Variants in KCNK3 observed in about 807,000 individuals in gnomAD.
KCNK3 encodes the protein potassium channel subfamily K member 3.
A neutral mutation model predicts 27.3 loss-of-function variants in KCNK3; 9 were observed. The ratio of observed to expected loss-of-function variants is 0.33; its 90% confidence interval spans 0.20 to 0.57. KCNK3 has a LOEUF of 0.57. KCNK3 is among the 20% of genes least tolerant of loss of function. KCNK3 has a pLI of 0.87. For synonymous variants in KCNK3, 278 were observed against 273.8 expected, an observed-to-expected ratio of 1.02 and a Z score of -0.15; for missense variants, 391 against 577.7, an observed-to-expected ratio of 0.68 and a Z score of 3.31.
intron 1 of KCNK3, among the ~76,000 whole-genome samples, chr2:26,702,433 A>G (rs900832449): frequency 6.6e-6 from 1 of 152,194 alleles, no homozygotes; most frequent in Non-Finnish European, 1.5e-5. Context: ...CATGGACAGC[A>G]TGAGTCCCAA....
At chr2:26,719,592 A>G (rs1478752642) in intron 1 of KCNK3, among the ~76,000 whole-genome samples, 1 of 152,224 alleles carries the variant, frequency 6.6e-6, no homozygotes, top group African/African-American at 2.4e-5. Context: ...TTTGTGTAAT[A>G]ATAACCTCTG....
At chr2:26,696,721 C>G (rs1313924462) in intron 1 of KCNK3, among the ~76,000 whole-genome samples, 6 of 152,104 alleles carry the variant, frequency 3.9e-5, no homozygotes, top group African/African-American at 1.4e-4. Context: ...CCTCCAGGGC[C>G]CAAGCCTCAT....
At chr2:26,710,822 C>A (rs760309972) in intron 1 of KCNK3, among the ~76,000 whole-genome samples, 5 of 152,176 alleles carry the variant, frequency 3.3e-5, no homozygotes, top group Non-Finnish European at 7.3e-5. Context: ...CCAGACACCA[C>A]GGAGGTCCAG....
chr2:26,732,199 T>G lies in KCNK3; in HGVS notation c.*3631T>G, dbSNP rs974645514. The G allele has an allele frequency of 3.3e-5, 5 of 152,112 alleles. No individual in the cohort carries two copies. The highest frequency in any genetic ancestry group is 1.2e-4 in the African/African-American group (5 of 41,412). The allele number at this position is 152,112 out of a possible 1,614,324, so 9.4% of individuals were successfully genotyped here. ...GACCCCCGGACTTCATAGAGTACAA[T>G]CCACAGTAATAGCACACAGCTCTGT... On this transcript the variant is annotated 3_prime_UTR_variant, in exon 2 of 2. Coordinates refer to ENST00000302909, the MANE Select transcript of KCNK3 (RefSeq NM_002246.3).
intron 1 of KCNK3, among the ~76,000 whole-genome samples, chr2:26,716,869 G>A (rs1663239741): frequency 6.6e-6 from 1 of 152,180 alleles, no homozygotes; most frequent in Admixed American, 6.5e-5. Context: ...AGCTGGCGTG[G>A]CTTAACAAAC....
chr2:26,702,016 T>C (rs1204244056), intron 1 of KCNK3, among the ~76,000 whole-genome samples: 6 of 152,218 alleles, frequency 3.9e-5, no homozygotes, highest in Non-Finnish European at 8.8e-5. Flanking sequence ...TAGGTAAACC[T>C]GTGACATGGG....
At chr2:26,712,873 G>T (rs990484576) in intron 1 of KCNK3, among the ~76,000 whole-genome samples, 1 of 152,128 alleles carries the variant, frequency 6.6e-6, no homozygotes, top group Non-Finnish European at 1.5e-5. Context: ...GAGCCCTGGG[G>T]AGGGTGCTGA....
At chr2:26,705,028 G>C (rs1670355551) in intron 1 of KCNK3, among the ~76,000 whole-genome samples, 1 of 152,020 alleles carries the variant, frequency 6.6e-6, no homozygotes, top group African/African-American at 2.4e-5. Flanking sequence ...GGGTAGCCAT[G>C]ATCATGGCTC....
At chr2:26,726,102 CACACAGAG>C (rs1476960919) in intron 1 of KCNK3, among the ~76,000 whole-genome samples, 2,271 of 136,122 alleles carry the variant, frequency 0.017, 22 homozygotes, top group Middle Eastern at 0.03. Flanking sequence ...CACACACACA[CACACAGAG>C]AGAGAGAGAG....
intron 1 of KCNK3, 85 bp from the exon 2 acceptor site, chr2:26,727,582 C>A: frequency 2.0e-6 from 3 of 1,501,012 alleles, no homozygotes; most frequent in Non-Finnish European, 2.7e-6. Flanking sequence ...GGGGAGGTGG[C>A]GGGGCAACGG....
chr2:26,712,759 G>A (rs536032415), intron 1 of KCNK3, among the ~76,000 whole-genome samples: 23 of 151,952 alleles, frequency 1.5e-4, no homozygotes, highest in African/African-American at 5.1e-4. Flanking sequence ...AGGCTGGCTC[G>A]GAGGGAGAGA....
rs1036932096 is a variant in KCNK3 at position 26,728,431 on chromosome 2, G to A, written c.1048G>A (p.Gly350Ser). ...GCAGAGCCACTCGTCGCCGGGAGGG[G>A]GCGGCCGCTACAGCGACACGCCCTC... ...VEQSHSSPGG[G>S]GRYSDTPSRR... Residue 350 changes from glycine to serine, a missense_variant, in exon 2 of 2, where the codon GGC (glycine) becomes AGC (serine). Gly to Ser is a moderately conservative substitution (Grantham distance 56). Coordinates refer to ENST00000302909, the MANE Select transcript of KCNK3 (RefSeq NM_002246.3). The A allele has an allele frequency of 6.3e-7, 1 of 1,591,844 alleles. No individual in the cohort carries two copies.
chr2:26,696,792 C>A (rs1670240679), intron 1 of KCNK3, among the ~76,000 whole-genome samples: 1 of 152,160 alleles, frequency 6.6e-6, no homozygotes, highest in African/African-American at 2.4e-5. Context: ...CTGGTACCAC[C>A]CCCTGCTCTG....
intron 1 of KCNK3, among the ~76,000 whole-genome samples, chr2:26,695,882 G>T (rs1670228951): frequency 6.6e-6 from 1 of 152,202 alleles, no homozygotes; most frequent in African/African-American, 2.4e-5. Context: ...CTGGTTCTGT[G>T]GGGGCCCCTC....
At chr2:26,714,915 A>AAATAAATAAATAAATG (rs370313457) in intron 1 of KCNK3, among the ~76,000 whole-genome samples, 18 of 151,792 alleles carry the variant, frequency 1.2e-4, no homozygotes, top group African/African-American at 4.3e-4. Flanking sequence ...ATAAATAAAT[A>AAATAAATAAATAAATG]AGGAGGGATG....
chr2:26,726,887 G>C (rs551811944), intron 1 of KCNK3, among the ~76,000 whole-genome samples: 1 of 152,310 alleles, frequency 6.6e-6, no homozygotes, highest in South Asian at 2.1e-4. Context: ...ACCTCCCCAT[G>C]AGGACAGATC....
chr2:26,724,780 G>A (rs1465127626), intron 1 of KCNK3, among the ~76,000 whole-genome samples: 1 of 152,196 alleles, frequency 6.6e-6, no homozygotes, highest in East Asian at 1.9e-4. Flanking sequence ...ATGAAGGGCA[G>A]AGGAAGGGGT....
chr2:26,708,401 C>T (rs553838143), intron 1 of KCNK3, among the ~76,000 whole-genome samples: 5 of 152,224 alleles, frequency 3.3e-5, no homozygotes, highest in East Asian at 1.9e-4. Flanking sequence ...TGGCTGGGCG[C>T]GGTGGCTCAC....
At position 26,728,810 on chromosome 2, in the gene KCNK3, G is replaced by T. The variant is rs1161356757; in HGVS notation, c.*242G>T. On this transcript the variant is annotated 3_prime_UTR_variant, in exon 2 of 2. Coordinates refer to ENST00000302909, the MANE Select transcript of KCNK3 (RefSeq NM_002246.3). ...TTCCGAGAAATGTGAAACTTGGTGGGGTCAGGGAGGAAAGGCAGAAGCTGG... is the reference window on the plus strand; with the variant it reads ...TTCCGAGAAATGTGAAACTTGGTGGTGTCAGGGAGGAAAGGCAGAAGCTGG... 3 of 397,750 alleles carry T rather than the reference G, an allele frequency of 7.5e-6. No homozygotes were observed. The highest frequency in any genetic ancestry group is 1.4e-4 in the South Asian group (1 of 7,356). The allele number at this position is 397,750 out of a possible 1,614,324, so 24.6% of individuals were successfully genotyped here.
Sources: gnomAD v4.1 joint callset for allele counts (sites outside exome capture counted in the v4.1 genomes callset) on GRCh38, gnomAD v4.1.1 for gene constraint, MANE v1.5 for transcripts, NCBI Gene and HGNC (gene_info 2026-07-23, HGNC 2026-07-21) for gene names.